The following CDC73 variants were observed in gnomAD, a reference collection of about 807,000 sequenced individuals.
The protein encoded by CDC73 is parafibromin.
Under a neutral mutation model 83.7 loss-of-function variants are expected in CDC73, and 21 were observed. That is an observed-to-expected ratio of 0.25 (90% CI 0.18 to 0.36). CDC73 has a LOEUF of 0.36. Among genes scored for constraint, CDC73 ranks in the 10% least tolerant of loss-of-function variants. The pLI, the probability that CDC73 is intolerant of heterozygous loss-of-function variation, is 1.00. For missense variants in CDC73, 342 were observed against 653.3 expected, an observed-to-expected ratio of 0.52 and a Z score of 5.19; for synonymous variants, 224 against 212.9, an observed-to-expected ratio of 1.05 and a Z score of -0.45.
At chr1:193,173,603 C>G (rs890038336) in intron 10 of CDC73, among the ~76,000 whole-genome samples, 1 of 152,110 alleles carries the variant, frequency 6.6e-6, no homozygotes, top group Admixed American at 6.5e-5. Context: ...CAAACAAGCA[C>G]CATAAATTGC....
chr1:193,209,842 C>G (rs897604666), intron 11 of CDC73, among the ~76,000 whole-genome samples: 10 of 151,994 alleles, frequency 6.6e-5, no homozygotes, highest in African/African-American at 2.4e-4. Flanking sequence ...AGAGATTTCT[C>G]CCTTGCTCTC....
intron 2 of CDC73, among the ~76,000 whole-genome samples, chr1:193,129,524 AGAG>A (rs1675653843): frequency 6.6e-6 from 1 of 151,672 alleles, no homozygotes; most frequent in African/African-American, 2.4e-5. Context: ...TTATTTATTT[AGAG>A]ACGGAATCTC....
Position 193,122,124 on chromosome 1 carries a change from G to A in CDC73, c.-77G>A, listed in dbSNP as rs1415452116. ...GGCGAAGGAGGAGGAGGAAGAGGGC[G>A]AGGCGACAAGAGAAGAAGGAGGCAG... is the stretch of plus-strand genomic sequence containing the variant. On this transcript the variant is annotated 5_prime_UTR_variant, in exon 1 of 17. Coordinates refer to ENST00000367435, the MANE Select transcript of CDC73 (RefSeq NM_024529.5). 2.8e-6 allele frequency: 4 copies of A among 1,436,366 alleles called. No individual in the cohort carries two copies. The highest frequency in any genetic ancestry group is 3.4e-5 in the Admixed American group (2 of 58,474). The allele number at this position is 1,436,366 out of a possible 1,614,324, so 89.0% of individuals were successfully genotyped here.
In CDC73 at chr1:193,251,905, T is replaced by A. The variant is rs1678049745; in HGVS notation, c.*1193T>A. On this transcript the variant is annotated 3_prime_UTR_variant, in exon 17 of 17. Transcript: ENST00000367435. Reference sequence around the variant, plus strand: ...TACTTTCCTAAAGTGTTTTTGCCATTGGAATTTTTGCTGATCACAGTCTTA... The same window carrying A: ...TACTTTCCTAAAGTGTTTTTGCCATAGGAATTTTTGCTGATCACAGTCTTA... The A allele has an allele frequency of 4.3e-6, 1 of 231,510 alleles. No homozygotes were observed. Among genetic ancestry groups the A allele is most frequent in the Admixed American group, 5.7e-5 (1 of 17,684 alleles). The allele number at this position is 231,510 out of a possible 1,614,324, so 14.3% of individuals were successfully genotyped here. A position where few individuals can be genotyped will look rare whatever the true frequency, so the allele number is the denominator to read the frequency against.
At chr1:193,150,495 C>G (rs1260762194) in intron 9 of CDC73, 113 bp downstream of exon 9, 1 of 735,776 alleles carries the variant, frequency 1.4e-6, no homozygotes, top group East Asian at 2.6e-5. Context: ...CAGACCAGAT[C>G]TTACCCACTG....
At chr1:193,138,622 T>C (rs1440058835) in intron 6 of CDC73, among the ~76,000 whole-genome samples, 1 of 152,122 alleles carries the variant, frequency 6.6e-6, no homozygotes, top group East Asian at 1.9e-4. Context: ...TAAAAATGTT[T>C]TCATTTTTCT....
intron 6 of CDC73, 37 bp from the exon 7 acceptor site, chr1:193,141,813 G>T: frequency 7.8e-7 from 1 of 1,276,560 alleles, no homozygotes; most frequent in Non-Finnish European, 1.1e-6. Context: ...CTCCAGGAAT[G>T]CCTGCTGTGA....
chr1:193,152,707 A>G (rs1676135852), intron 10 of CDC73, among the ~76,000 whole-genome samples: 1 of 152,182 alleles, frequency 6.6e-6, no homozygotes, highest in Admixed American at 6.5e-5. Context: ...CCTGGTCAGT[A>G]TTTAAAGCCT....
intron 10 of CDC73, among the ~76,000 whole-genome samples, chr1:193,190,653 T>C (rs1676903098): frequency 6.6e-6 from 1 of 152,236 alleles, no homozygotes; most frequent in Middle Eastern, 3.2e-3. Flanking sequence ...AAGCTAAATT[T>C]AAGTGTCTCT....
At position 193,233,125 on chromosome 1, in the gene CDC73, C is replaced by T. The variant is rs756002639; in HGVS notation, c.1287C>T (p.Asp429=). The change falls in exon 14 of 17, where the codon GAC becomes GAT. Residue 429 remains aspartate (D), a synonymous_variant. Coordinates refer to ENST00000367435, the MANE Select transcript of CDC73 (RefSeq NM_024529.5). The part of the protein sequence containing the change: ...ISVTVPYRVV[D]QPLKLMPQDW... ...TTACAGTACCTTATAGAGTAGTAGA[C>T]CAGCCCCTTAAACTTATGCCTCAAG... The T allele has an allele frequency of 3.1e-6, 5 of 1,613,202 alleles. No homozygotes were observed. Among genetic ancestry groups the T allele is most frequent in the Non-Finnish European group, 3.4e-6 (4 of 1,179,264 alleles).
intron 10 of CDC73, among the ~76,000 whole-genome samples, chr1:193,157,520 T>TA (rs1214293705): frequency 3.3e-5 from 5 of 152,212 alleles, no homozygotes; most frequent in African/African-American, 1.2e-4. Flanking sequence ...CCAGCTTCCT[T>TA]AAAATCTATC....
intron 15 of CDC73, among the ~76,000 whole-genome samples, chr1:193,247,487 A>G (rs527816528): frequency 2.4e-4 from 37 of 152,070 alleles, no homozygotes; most frequent in Non-Finnish European, 3.8e-4. Flanking sequence ...GTTTAAATGA[A>G]AGGAAGAGTT....
At chr1:193,163,025 T>C (rs1395378754) in intron 10 of CDC73, among the ~76,000 whole-genome samples, 1 of 152,160 alleles carries the variant, frequency 6.6e-6, no homozygotes, top group Admixed American at 6.6e-5. Flanking sequence ...TAGTAACTTA[T>C]CTAGCTACAC....
chr1:193,214,858 G>A (rs892259960), intron 13 of CDC73, among the ~76,000 whole-genome samples: 1 of 152,208 alleles, frequency 6.6e-6, no homozygotes, highest in African/African-American at 2.4e-5. Flanking sequence ...GACAGATTCA[G>A]ATGAATTTAG....
intron 13 of CDC73, among the ~76,000 whole-genome samples, chr1:193,214,071 C>T (rs1230756661): frequency 6.6e-6 from 1 of 152,172 alleles, no homozygotes; most frequent in East Asian, 1.9e-4. Context: ...TCATGTGACT[C>T]TTCTGTGGCT....
At position 193,251,799 on chromosome 1, in the gene CDC73, A is replaced by G. The variant is rs1353436263; in HGVS notation, c.*1087A>G. On this transcript the variant is annotated 3_prime_UTR_variant, in exon 17 of 17. Coordinates refer to ENST00000367435, the MANE Select transcript of CDC73 (RefSeq NM_024529.5). ...CTACTTCAGACAAAATGTTGCATCC[A>G]AGGTACATCAAGTGACCATTTGCCT... The G allele has an allele frequency of 1.7e-5, 4 of 231,648 alleles. No homozygotes were observed. In the East Asian group the frequency reaches 2.4e-4, roughly 14 times the overall value. 14.3% of individuals were successfully genotyped at this position (231,648 alleles called of 1,614,324 possible). A position where few individuals can be genotyped will look rare whatever the true frequency, so the allele number is the denominator to read the frequency against.
intron 10 of CDC73, among the ~76,000 whole-genome samples, chr1:193,163,614 A>G (rs141717727): frequency 5.3e-5 from 8 of 152,348 alleles, no homozygotes; most frequent in African/African-American, 1.9e-4. Flanking sequence ...TGCAGTAGAC[A>G]TAAATCATCT....
At chr1:193,190,943 G>A (rs996073198) in intron 10 of CDC73, among the ~76,000 whole-genome samples, 6 of 152,182 alleles carry the variant, frequency 3.9e-5, no homozygotes, top group African/African-American at 1.2e-4. Flanking sequence ...TAGGGCCAGG[G>A]TAGGTAGTAG....
chr1:193,221,766 C>T (rs1399254478), intron 13 of CDC73, among the ~76,000 whole-genome samples: 1 of 152,096 alleles, frequency 6.6e-6, no homozygotes, highest in Non-Finnish European at 1.5e-5. Context: ...TAGGATAGAC[C>T]ATGCCTAATG....
Sources: gnomAD v4.1 joint callset for allele counts (sites outside exome capture counted in the v4.1 genomes callset) on GRCh38, gnomAD v4.1.1 for gene constraint, MANE v1.5 for transcripts, NCBI Gene and HGNC (gene_info 2026-07-23, HGNC 2026-07-21) for gene names.